Variants in CDK6 observed in about 807,000 individuals in gnomAD.
The protein encoded by CDK6 is cyclin-dependent kinase 6.
A neutral mutation model predicts 37.1 loss-of-function variants in CDK6; 6 were observed. The ratio of observed to expected loss-of-function variants is 0.16; its 90% CI spans 0.09 to 0.32. The LOEUF is 0.32. CDK6 is among the 10% of genes least tolerant of loss of function. CDK6 has a pLI of 1.00. For missense variants in CDK6, 224 were observed against 418.9 expected (o/e 0.53, Z 4.06); for synonymous variants, 160 against 161.3 (o/e 0.99, Z 0.06).
chr7:92,723,376 T>C (rs1798413021), intron 4 of CDK6, among the ~76,000 whole-genome samples: 1 of 152,160 alleles, frequency 6.6e-6, no homozygotes, highest in South Asian at 2.1e-4. Flanking sequence ...TTCCACAAAT[T>C]AAGTTGATTC....
intron 2 of CDK6, among the ~76,000 whole-genome samples, chr7:92,812,795 T>A (rs1800920289): frequency 6.6e-6 from 1 of 152,204 alleles, no homozygotes; most frequent in African/African-American, 2.4e-5. Flanking sequence ...ATTACTGAGC[T>A]GTGGTTCAAA....
chr7:92,759,824 T>A (rs1799410529), intron 3 of CDK6, among the ~76,000 whole-genome samples: 1 of 151,986 alleles, frequency 6.6e-6, no homozygotes, highest in Admixed American at 6.6e-5. Flanking sequence ...TGTCCTTGAG[T>A]GGACAGTGGA....
At chr7:92,819,685 T>A (rs759406563) in intron 2 of CDK6, among the ~76,000 whole-genome samples, 2 of 151,996 alleles carry the variant, frequency 1.3e-5, no homozygotes, top group Admixed American at 6.6e-5. Context: ...TTTAAAAAAA[T>A]TCACAGTAAT....
In CDK6 at chr7:92,754,033, C is replaced by G. The variant is rs3731307; in HGVS notation, c.369+20663G>C. ...ATAATGTCATAGGATGGGAACAGCC[C>G]TAACATTCATCACTGACAATCTCTC... On this transcript the variant is annotated intron_variant, in intron 3 of 7. Transcript: ENST00000424848. Among the ~76,000 whole-genome samples, 359 of 152,224 alleles carry G rather than the reference C, an allele frequency of 2.4e-3. 2 individuals are homozygous for G. Among genetic ancestry groups the G allele is most frequent in the South Asian group, 0.011 (53 of 4,826 alleles).
chr7:92,802,655 C>T (rs539154246), intron 2 of CDK6, among the ~76,000 whole-genome samples: 29 of 152,272 alleles, frequency 1.9e-4, no homozygotes, highest in African/African-American at 6.7e-4. Context: ...TAGGAGTTTA[C>T]AATATATGAT....
At chr7:92,814,578 CAT>C (rs1800976465) in intron 2 of CDK6, among the ~76,000 whole-genome samples, 2 of 133,146 alleles carry the variant, frequency 1.5e-5, no homozygotes, top group African/African-American at 5.7e-5. Flanking sequence ...AAAAAAAAGA[CAT>C]TTTGATTATT....
chr7:92,755,750 A>G lies in CDK6; in HGVS notation c.369+18946T>C, dbSNP rs1049744265. On this transcript the variant is annotated intron_variant, in intron 3 of 7. Transcript: ENST00000424848. ...CTAAGGTATAAGTTGGGGTGCGGAT[A>G]CCATTCAGGCAAAAGGGAACCACAT... Among the ~76,000 whole-genome samples, 3 of 152,148 alleles carry G rather than the reference A, an allele frequency of 2.0e-5. No homozygotes were observed. In the East Asian group the frequency reaches 5.8e-4, roughly 29 times the overall value.
chr7:92,804,998 C>T (rs139176192), intron 2 of CDK6, among the ~76,000 whole-genome samples: 6 of 152,236 alleles, frequency 3.9e-5, no homozygotes, highest in African/African-American at 7.2e-5. Context: ...AAAGACTGAA[C>T]GAATGAGTAG....
chr7:92,689,939 G>A (rs1165966803), intron 4 of CDK6, among the ~76,000 whole-genome samples: 1 of 152,080 alleles, frequency 6.6e-6, no homozygotes, highest in African/African-American at 2.4e-5. Flanking sequence ...TTTGAAAAGT[G>A]TCTGTTCATG....
At chr7:92,704,057 C>A (rs1797913669) in intron 4 of CDK6, among the ~76,000 whole-genome samples, 1 of 152,122 alleles carries the variant, frequency 6.6e-6, no homozygotes, top group Non-Finnish European at 1.5e-5. Context: ...GACTAGAATG[C>A]TCTCCTGAAT....
intron 3 of CDK6, among the ~76,000 whole-genome samples, chr7:92,760,578 A>G (rs1352825710): frequency 6.6e-6 from 1 of 152,206 alleles, no homozygotes; most frequent in Non-Finnish European, 1.5e-5. Flanking sequence ...GTTGAATTAT[A>G]TGAAACTGTC....
chr7:92,807,369 C>T (rs1283981684), intron 2 of CDK6, among the ~76,000 whole-genome samples: 3 of 151,694 alleles, frequency 2.0e-5, no homozygotes, highest in Non-Finnish European at 4.4e-5. Context: ...GTATCTATAT[C>T]TAGATATCTA....
At chr7:92,795,210 T>C (rs1465628460) in intron 2 of CDK6, among the ~76,000 whole-genome samples, 1 of 152,082 alleles carries the variant, frequency 6.6e-6, no homozygotes, top group Non-Finnish European at 1.5e-5. Context: ...GTTCAAGAAA[T>C]ATTTTATTAT....
intron 4 of CDK6, among the ~76,000 whole-genome samples, chr7:92,687,800 T>C (rs1797496856): frequency 6.6e-6 from 1 of 152,172 alleles, no homozygotes; most frequent in African/African-American, 2.4e-5. Context: ...AAGGTCCTCT[T>C]GTATTTTTCC....
intron 4 of CDK6, among the ~76,000 whole-genome samples, chr7:92,709,894 C>T (rs1236733936): frequency 6.6e-6 from 1 of 152,162 alleles, no homozygotes; most frequent in Admixed American, 6.5e-5. Context: ...AGCAATCATT[C>T]TTAGTCTAAT....
At chr7:92,775,817 T>A (rs930012161) in intron 2 of CDK6, among the ~76,000 whole-genome samples, 2 of 152,190 alleles carry the variant, frequency 1.3e-5, no homozygotes, top group Non-Finnish European at 2.9e-5. Flanking sequence ...AAAAATTGAA[T>A]AAATGCCTTC....
intron 4 of CDK6, among the ~76,000 whole-genome samples, chr7:92,713,957 C>T (rs1270205906): frequency 6.6e-6 from 1 of 152,202 alleles, no homozygotes; most frequent in Non-Finnish European, 1.5e-5. Flanking sequence ...TCCTCCTCTA[C>T]CTCCTCTACT....
intron 4 of CDK6, among the ~76,000 whole-genome samples, chr7:92,715,640 A>G (rs1402457460): frequency 6.6e-6 from 1 of 152,236 alleles, no homozygotes; most frequent in Non-Finnish European, 1.5e-5. Flanking sequence ...GCCAAAGACT[A>G]TCATTTAGAA....
At chr7:92,817,017 C>T (rs1311387830) in intron 2 of CDK6, among the ~76,000 whole-genome samples, 1 of 151,874 alleles carries the variant, frequency 6.6e-6, no homozygotes, top group African/African-American at 2.4e-5. Flanking sequence ...CCTATAAGGT[C>T]TCATATCTAT....
Sources: gnomAD v4.1 joint callset for allele counts (sites outside exome capture counted in the v4.1 genomes callset) on GRCh38, gnomAD v4.1.1 for gene constraint, MANE v1.5 for transcripts, NCBI Gene and HGNC (gene_info 2026-07-23, HGNC 2026-07-21) for gene names.